The following ZNF112 variants were observed in gnomAD, a reference collection of about 807,000 sequenced individuals.
ZNF112 encodes the protein zinc finger protein 112 (Y14).
Under a neutral mutation model 77.7 loss-of-function variants are expected in ZNF112, and 37 were observed. The observed-to-expected ratio is 0.48, with a 90% CI of 0.37 to 0.63. The LOEUF is 0.63. Among genes scored for constraint, ZNF112 ranks in the 20% least tolerant of loss-of-function variants. The pLI, the probability that ZNF112 is intolerant of heterozygous loss-of-function variation, is 0.00. For missense variants in ZNF112, 950 were observed against 1,077.4 expected, an observed-to-expected ratio of 0.88 and a Z score of 1.66; for synonymous variants, 333 against 363.6, an observed-to-expected ratio of 0.92 and a Z score of 0.96.
upstream of ZNF112, among the ~76,000 whole-genome samples, chr19:44,360,443 A>G (rs1447000863): frequency 2.0e-5 from 3 of 152,176 alleles, no homozygotes; most frequent in African/African-American, 4.8e-5. Flanking sequence ...CAACTAAGCA[A>G]TAGTAAAGAT....
At position 44,328,157 on chromosome 19, in the gene ZNF112, C is replaced by T; in HGVS notation, c.2000G>A (p.Gly667Asp). 1 of 1,614,088 alleles carries T rather than the reference C, an allele frequency of 6.2e-7. No individual in the cohort carries two copies. Among genetic ancestry groups the T allele is most frequent in the South Asian group, 1.1e-5 (1 of 91,084 alleles). Residue 667 changes from glycine to aspartate, a missense_variant, in exon 4 of 4, where the codon GGC becomes GAC. Around this residue, in one of 3 missense-constraint regions of ZNF112, gnomAD observed 373 missense variants for 482.8 expected, o/e 0.77. Coordinates refer to ENST00000354340, the MANE Select transcript of ZNF112 (RefSeq NM_013380.4). ...KPYKCEECGK[G>D]FSKASTLLAH... ...CAAAAGTGTTGAGGCCTTACTGAAG[C>T]CTTTACCACATTCTTCACATTTATA...
chr19:44,328,303 A>T lies in ZNF112; in HGVS notation c.1854T>A (p.Leu618=). 2 of 1,613,966 alleles carry T rather than the reference A, an allele frequency of 1.2e-6. No homozygotes were observed. Among genetic ancestry groups the T allele is most frequent in the African/African-American group, 1.3e-5 (1 of 74,976 alleles). Residue 618 remains leucine (L), a synonymous_variant, in exon 4 of 4, where the codon CTT becomes CTA. Coordinates refer to ENST00000354340, the MANE Select transcript of ZNF112 (RefSeq NM_013380.4). ...CGKGFSRSSH[L]QGHQRVHTGE... is the part of the protein sequence containing the mutation. ...CAGTGTGGACTCTCTGATGGCCTTG[A>T]AGGTGTGAACTCCGACTGAAGCCCT...
At chr19:44,330,076 A>C (rs1970242244) in intron 3 of ZNF112, 140 bp from the exon 4 acceptor site, 10 of 645,008 alleles carry the variant, frequency 1.6e-5, no homozygotes, top group South Asian at 2.4e-5. Flanking sequence ...AATACTTAGA[A>C]AATATCTCCT....
At chr19:44,339,448 G>C (rs1438945785) in intron 2 of ZNF112, among the ~76,000 whole-genome samples, 2 of 152,182 alleles carry the variant, frequency 1.3e-5, no homozygotes, top group Non-Finnish European at 2.9e-5. Context: ...TCATATCTAG[G>C]TAACTAAGCT....
chr19:44,341,720 G>A (rs900613877), intron 1 of ZNF112, among the ~76,000 whole-genome samples: 6 of 152,270 alleles, frequency 3.9e-5, no homozygotes, highest in Admixed American at 2.0e-4. Flanking sequence ...GGAGGACACC[G>A]AGGTCTTTTC....
At chr19:44,343,335 G>GCCAT in intron 1 of ZNF112, 1 of 1,528,916 alleles carries the variant, frequency 6.5e-7, no homozygotes, top group African/African-American at 1.4e-5. Flanking sequence ...TACGAAAGAA[G>GCCAT]CCATGATTAA....
chr19:44,340,365 A>G, intron 2 of ZNF112, 51 bp downstream of exon 2: 1 of 1,589,100 alleles, frequency 6.3e-7, no homozygotes, highest in Non-Finnish European at 8.5e-7. Context: ...TTGAGCACAC[A>G]AAGACACCCC....
Position 44,329,739 on chromosome 19 carries a change from C to G in ZNF112, c.418G>C (p.Gly140Arg). The G allele has an allele frequency of 6.2e-7, 1 of 1,614,022 alleles. No homozygotes were observed. Among genetic ancestry groups the G allele is most frequent in the Non-Finnish European group, 8.5e-7 (1 of 1,179,998 alleles). The change falls in exon 4 of 4, where the codon GGA becomes CGA. Residue 140 changes from glycine to arginine, a missense_variant. Physicochemically the swap from Gly to Arg is moderately radical, Grantham distance 125. Around this residue, in one of 3 missense-constraint regions of ZNF112, gnomAD observed 560 missense variants for 557.3 expected, o/e 1.00. Coordinates refer to ENST00000354340, the MANE Select transcript of ZNF112 (RefSeq NM_013380.4). ...TCTTCAGAAATCTGAACTGGTATTC[C>G]TGCCCAAACCTGGCCGAGGGAATTA... ...QGNSLGQVWA[G>R]IPVQISEDKN...
intron 1 of ZNF112, among the ~76,000 whole-genome samples, chr19:44,347,506 T>TTTTTTTA (rs151128809): frequency 9.0e-5 from 9 of 100,090 alleles, no homozygotes; most frequent in East Asian, 3.5e-4. Flanking sequence ...TTTTTTTTTT[T>TTTTTTTA]ACTATTCCAT....
upstream of ZNF112, among the ~76,000 whole-genome samples, chr19:44,358,142 A>G (rs1970815841): frequency 6.9e-6 from 1 of 144,276 alleles, no homozygotes; most frequent in Non-Finnish European, 1.5e-5. Context: ...ACAGAGCGAG[A>G]CTCCGTCTCA....
chr19:44,352,620 C>G (rs1018308330), intron 1 of ZNF112, among the ~76,000 whole-genome samples: 3 of 151,990 alleles, frequency 2.0e-5, no homozygotes, highest in Non-Finnish European at 2.9e-5. Context: ...TACCAAAAAA[C>G]AAAAATTTCT....
chr19:44,345,654 T>C (rs559241942), intron 1 of ZNF112, among the ~76,000 whole-genome samples: 2 of 152,376 alleles, frequency 1.3e-5, no homozygotes, highest in South Asian at 4.1e-4. Flanking sequence ...TGTTCCTTTC[T>C]TGGTTAAAAC....
At position 44,329,904 on chromosome 19, in the gene ZNF112, G is replaced by A; in HGVS notation, c.253C>T (p.Gln85Ter). 1 of 1,613,302 alleles carries A rather than the reference G, an allele frequency of 6.2e-7. No homozygotes were observed. ...RKNQQKMESIQEVTVSYFSPK... is the reference protein window; with the variant it reads ...RKNQQKMESI Reference sequence around the variant, plus strand: ...GAAAAGTAGCTTACTGTTACTTCCTGAATACTCTCCATCTTTTGTTGATTC... The same window carrying A: ...GAAAAGTAGCTTACTGTTACTTCCTAAATACTCTCCATCTTTTGTTGATTC... Residue 85 changes from glutamine to a stop codon, truncating the protein, a stop_gained, in exon 4 of 4, where the codon CAG becomes TAG. Transcript: ENST00000354340. LOFTEE classifies it high-confidence loss of function.
rs372434716 is a variant in ZNF112, at chr19:44,351,829, G to A, written c.-4+4797C>T. Among the ~76,000 whole-genome samples the A allele has an allele frequency of 1.4e-4, 22 of 152,122 alleles. No individual in the cohort carries two copies. In the South Asian group the frequency reaches 2.3e-3, roughly 16 times the overall value. On this transcript the variant is annotated intron_variant, in intron 1 of 3. Coordinates refer to ENST00000354340, the MANE Select transcript of ZNF112 (RefSeq NM_013380.4). ...CAAATTACCAAAATCAAGAATGAAA[G>A]AAGGGATATCACTACGGACTTAACA...
Position 44,329,373 on chromosome 19 carries a change from T to C in ZNF112, c.784A>G (p.Ser262Gly). 6.2e-7 allele frequency: 1 copy of C among 1,613,868 alleles called. No individual in the cohort carries two copies. Among genetic ancestry groups the C allele is most frequent in the Non-Finnish European group, 8.5e-7 (1 of 1,179,792 alleles). ...TGAACCTCAGAGCTGGAGTCATTAC[T>C]GAAGGCTTTTCTATACCCAGTACAT... ...YPCTGYRKAFSNDSSSEVHQQ... is the reference protein window; with the variant it reads ...YPCTGYRKAFGNDSSSEVHQQ... The change falls in exon 4 of 4, where the codon AGT becomes GGT. Residue 262 changes from serine (S) to glycine (G), a missense_variant. Ser to Gly is a moderately conservative substitution (Grantham distance 56, BLOSUM62 0). Transcript: ENST00000354340.
rs1239181078 is a variant in ZNF112, at chr19:44,328,517, T to C, written c.1640A>G (p.Tyr547Cys). Residue 547 changes from tyrosine (Y) to cysteine (C), a missense_variant, in exon 4 of 4, where the codon TAT (tyrosine) becomes TGT (cysteine). Physicochemically the swap from Tyr to Cys is radical, Grantham distance 194. Coordinates refer to ENST00000354340, the MANE Select transcript of ZNF112 (RefSeq NM_013380.4). The part of the protein sequence containing the change: ...HQRVHTGEKP[Y>C]KCEECDKGFS... Reference sequence around the variant, plus strand: ...TCCCTTATCACATTCCTCGCATTTATAAGGTTTCTCTCCTGTGTGGACTCT... The same window carrying C: ...TCCCTTATCACATTCCTCGCATTTACAAGGTTTCTCTCCTGTGTGGACTCT... 13 of 1,597,400 alleles carry C rather than the reference T, an allele frequency of 8.1e-6. No homozygotes were observed. The Admixed American group carries it at 1.5e-4, about 19-fold the overall frequency.
intron 1 of ZNF112, among the ~76,000 whole-genome samples, chr19:44,345,400 C>T (rs1970569320): frequency 1.3e-5 from 2 of 152,180 alleles, no homozygotes; most frequent in South Asian, 4.1e-4. Flanking sequence ...GTTCTTGGAG[C>T]TGTCACTAAG....
At chr19:44,337,308 T>G (rs9676262) in intron 2 of ZNF112, among the ~76,000 whole-genome samples, 2 of 113,626 alleles carry the variant, frequency 1.8e-5, no homozygotes, top group Admixed American at 1.1e-4. Context: ...AATATATATA[T>G]ATTTTGTATA....
At chr19:44,348,605 C>G (rs539471287) in intron 1 of ZNF112, among the ~76,000 whole-genome samples, 3 of 152,030 alleles carry the variant, frequency 2.0e-5, no homozygotes, top group Non-Finnish European at 4.4e-5. Context: ...GAAAAAATAT[C>G]TGGACAATCT....
Sources: allele counts gnomAD v4.1 joint callset (sites outside exome capture counted in the v4.1 genomes callset), GRCh38; gene constraint gnomAD v4.1.1; regional missense constraint gnomAD v4.1.1; transcripts MANE v1.5; gene names NCBI Gene and HGNC (gene_info 2026-07-23, HGNC 2026-07-21).